The following PPP5C variants were observed in gnomAD, a reference collection of about 807,000 sequenced individuals.
PPP5C encodes the protein protein phosphatase 5 catalytic subunit, also known as serine/threonine-protein phosphatase 5.
A neutral mutation model predicts 66.7 loss-of-function variants in PPP5C; 21 were observed. That is an observed-to-expected ratio of 0.31 (90% confidence interval 0.22 to 0.45). The LOEUF (loss-of-function observed/expected upper bound fraction) is 0.45, where lower values mean the gene tolerates loss of function less well. Among genes scored for constraint, PPP5C ranks in the 20% least tolerant of loss-of-function variants. The pLI, the probability that PPP5C is intolerant of heterozygous loss-of-function variation, is 1.00. For synonymous variants in PPP5C, 246 were observed against 257.4 expected, an observed-to-expected ratio of 0.96 and a Z score of 0.43; for missense variants, 464 against 675.9, an observed-to-expected ratio of 0.69 and a Z score of 3.48.
At chr19:46,354,642 C>T (rs952717407) in intron 2 of PPP5C, among the ~76,000 whole-genome samples, 1 of 152,026 alleles carries the variant, frequency 6.6e-6, no homozygotes, top group Non-Finnish European at 1.5e-5. Flanking sequence ...ACAAAAAATA[C>T]AAAAATTAGC....
intron 2 of PPP5C, among the ~76,000 whole-genome samples, chr19:46,362,009 CTT>C (rs1242379311): frequency 6.6e-6 from 1 of 151,510 alleles, no homozygotes; most frequent in Non-Finnish European, 1.5e-5. Flanking sequence ...TTTTTTCTTT[CTT>C]TTATTCCTTC....
At chr19:46,368,044 T>A (rs1370874540) in intron 2 of PPP5C, among the ~76,000 whole-genome samples, 2 of 152,128 alleles carry the variant, frequency 1.3e-5, no homozygotes, top group East Asian at 3.9e-4. Context: ...GCCATTATGG[T>A]GGGAAAGGCT....
intron 11 of PPP5C, among the ~76,000 whole-genome samples, chr19:46,389,021 G>A (rs375785200): frequency 5.3e-5 from 8 of 151,838 alleles, no homozygotes; most frequent in South Asian, 2.1e-4. Context: ...CCACAATATC[G>A]TGTTTACACT....
Position 46,390,340 on chromosome 19 carries a change from G to A in PPP5C, c.1494G>A (p.Met498Ile). The change falls in exon 13 of 13, where the codon ATG (methionine) becomes ATA (isoleucine). Residue 498 changes from methionine (M) to isoleucine (I), a missense_variant. This residue lies in a region of PPP5C where 387 missense variants were observed against 626.0 expected (regional missense o/e 0.62). Transcript: ENST00000012443. ...CCAACACGCTGCTGCAGCTAGGAAT[G>A]ATGTGAGGTGACGGGCGGGGCGGCC... ...AYANTLLQLGMM is the reference protein window; with the variant it reads ...AYANTLLQLGIM The A allele has an allele frequency of 3.2e-6, 5 of 1,576,170 alleles. No individual in the cohort carries two copies. Among genetic ancestry groups the A allele is most frequent in the Non-Finnish European group, 4.3e-6 (5 of 1,160,952 alleles).
intron 11 of PPP5C, among the ~76,000 whole-genome samples, chr19:46,389,139 C>T (rs1051808494): frequency 6.6e-6 from 1 of 152,084 alleles, no homozygotes; most frequent in Non-Finnish European, 1.5e-5. Flanking sequence ...GCCTGGCCAA[C>T]ATGGTGAAAC....
Position 46,376,392 on chromosome 19 carries a change from C to T in PPP5C, c.512-61C>T, listed in dbSNP as rs1018036898. On this transcript the variant is annotated intron_variant, in intron 3 of 12. Coordinates refer to ENST00000012443, the MANE Select transcript of PPP5C (RefSeq NM_006247.4). The surrounding 1 kb of genome is among the most constrained non-coding windows in gnomAD (Gnocchi z 5.1). ...TTTTCCCCATCCCTGGGAGCGAGAC[C>T]CCCTTCTCCCTCATAGTGGCTGTGG... is the stretch of plus-strand genomic sequence containing the variant. 6 of 1,589,144 alleles carry T rather than the reference C, an allele frequency of 3.8e-6. No homozygotes were observed. In the African/African-American group the frequency reaches 8.1e-5, roughly 21 times the overall value.
intron 2 of PPP5C, among the ~76,000 whole-genome samples, chr19:46,374,878 G>A (rs887229232): frequency 2.0e-5 from 3 of 152,176 alleles, no homozygotes; most frequent in African/African-American, 7.2e-5. Flanking sequence ...ACCTGCCTGA[G>A]GTCACCCAGC....
At chr19:46,355,153 T>G (rs1972262012) in intron 2 of PPP5C, among the ~76,000 whole-genome samples, 1 of 152,228 alleles carries the variant, frequency 6.6e-6, no homozygotes. Context: ...AGGCCTGGCC[T>G]CAGGGCCTTA....
Position 46,383,433 on chromosome 19 carries a change from T to A in PPP5C, c.656T>A (p.Val219Asp). ...AYQILVQVKE[V>D]LSKLSTLVET... ...CAGATTCTGGTACAGGTCAAAGAGG[T>A]CCTCTCCAAGCTGAGCACGCTCGTG... The change falls in exon 5 of 13, where the codon GTC becomes GAC. Residue 219 changes from valine to aspartate, a missense_variant. Coordinates refer to ENST00000012443, the MANE Select transcript of PPP5C (RefSeq NM_006247.4). The surrounding 1 kb of genome is among the most constrained non-coding windows in gnomAD (Gnocchi z 5.0). The A allele has an allele frequency of 1.2e-6, 2 of 1,611,908 alleles. No homozygotes were observed. Among genetic ancestry groups the A allele is most frequent in the Non-Finnish European group, 1.7e-6 (2 of 1,179,012 alleles).
intron 4 of PPP5C, chr19:46,382,656 T>C (rs1296389085): frequency 6.5e-6 from 2 of 309,470 alleles, no homozygotes; most frequent in Non-Finnish European, 9.4e-6. Context: ...TTTTCTTTTT[T>C]TTCCCCTAAC....
At chr19:46,389,332 C>T (rs1356997597) in intron 11 of PPP5C, among the ~76,000 whole-genome samples, 5 of 146,916 alleles carry the variant, frequency 3.4e-5, no homozygotes. Context: ...AAAACACACG[C>T]ACACGGGCAA....
chr19:46,370,779 C>T (rs900734043), intron 2 of PPP5C, among the ~76,000 whole-genome samples: 2 of 151,772 alleles, frequency 1.3e-5, no homozygotes, highest in Non-Finnish European at 2.9e-5. Context: ...CTTGCTCTGT[C>T]GCCCATGCTG....
intron 2 of PPP5C, among the ~76,000 whole-genome samples, chr19:46,361,319 C>T (rs1300586114): frequency 6.7e-6 from 1 of 150,190 alleles, no homozygotes; most frequent in African/African-American, 2.4e-5. Flanking sequence ...TTATGAGAGA[C>T]GGGGTTTCAC....
chr19:46,382,858 G>T, intron 4 of PPP5C: 1 of 1,066,074 alleles, frequency 9.4e-7, no homozygotes, highest in Non-Finnish European at 1.1e-6. Context: ...CATTGTCAAG[G>T]TCATATCCAA....
intron 4 of PPP5C, among the ~76,000 whole-genome samples, chr19:46,380,559 C>G (rs985825162): frequency 6.6e-6 from 1 of 152,156 alleles, no homozygotes. Context: ...TATCATGCCC[C>G]TTCTGCCTGA....
At position 46,387,380 on chromosome 19, in the gene PPP5C, C is replaced by G; in HGVS notation, c.1062C>G (p.Gly354=). ...INGKVLIMHG[G]LFSEDGVTLD... The stretch of plus-strand genomic sequence containing the variant: ...CATCTCCCCAGATCATGCACGGAGG[C>G]CTGTTCAGTGAAGACGGTGTCACCC... The change falls in exon 9 of 13, where the codon GGC becomes GGG. Residue 354 remains glycine (G), a synonymous_variant. Coordinates refer to ENST00000012443, the MANE Select transcript of PPP5C (RefSeq NM_006247.4). 3 of 1,609,912 alleles carry G rather than the reference C, an allele frequency of 1.9e-6. No homozygotes were observed. The African/African-American group carries it at 4.0e-5, about 21-fold the overall frequency.
At chr19:46,363,257 G>A (rs1401019404) in intron 2 of PPP5C, among the ~76,000 whole-genome samples, 1 of 100,312 alleles carries the variant, frequency 1.0e-5, no homozygotes, top group Non-Finnish European at 1.9e-5. Context: ...GCAGTGAGCC[G>A]AGATCCCGCC....
chr19:46,390,887 C>G lies in PPP5C; in HGVS notation c.*541C>G, dbSNP rs552381851. On this transcript the variant is annotated 3_prime_UTR_variant, in exon 13 of 13. Transcript: ENST00000012443. ...TGGATGGTGGAGCCGAAGGAGCTGC[C>G]CGGGTTGGGTTACGCCTGCTCAGGA... is the stretch of plus-strand genomic sequence containing the variant. 6 of 1,149,486 alleles carry G rather than the reference C, an allele frequency of 5.2e-6. No homozygotes were observed. The African/African-American group carries it at 8.1e-5, about 15-fold the overall frequency. The allele number at this position is 1,149,486 out of a possible 1,614,324, so 71.2% of individuals were successfully genotyped here. A position where few individuals can be genotyped will look rare whatever the true frequency, so the allele number is the denominator to read the frequency against.
At chr19:46,362,474 C>T (rs375110139) in intron 2 of PPP5C, among the ~76,000 whole-genome samples, 7 of 152,014 alleles carry the variant, frequency 4.6e-5, no homozygotes, top group African/African-American at 1.4e-4. Context: ...TTAGTAAAAC[C>T]CTAAGGGCAT....
Sources: allele counts gnomAD v4.1 joint callset (sites outside exome capture counted in the v4.1 genomes callset), GRCh38; gene constraint gnomAD v4.1.1; regional missense constraint gnomAD v4.1.1; non-coding constraint Gnocchi (gnomAD v3.1); transcripts MANE v1.5; gene names NCBI Gene and HGNC (gene_info 2026-07-23, HGNC 2026-07-21).